Variants in TIGAR observed in about 807,000 individuals in gnomAD.
The protein encoded by TIGAR is fructose-2,6-bisphosphatase TIGAR.
Under a neutral mutation model 17.9 loss-of-function variants are expected in TIGAR, and 7 were observed. The observed-to-expected ratio is 0.39, with a 90% CI of 0.22 to 0.73. The LOEUF (loss-of-function observed/expected upper bound fraction) is 0.73, where lower values mean the gene tolerates loss of function less well. Ranked by LOEUF, TIGAR falls within the 30% of genes least tolerant of loss-of-function variation. The pLI is 0.42. For missense variants in TIGAR, 258 were observed against 327.4 expected (o/e 0.79, Z 1.64); for synonymous variants, 94 against 108.6 (o/e 0.87, Z 0.84).
At chr12:4,327,351 G>T (rs995846674) in intron 1 of TIGAR, among the ~76,000 whole-genome samples, 1 of 150,954 alleles carries the variant, frequency 6.6e-6, no homozygotes, top group Non-Finnish European at 1.5e-5. Context: ...GGAGATTGCA[G>T]TGAGCCGAGA....
rs527762518 is a variant in TIGAR at position 4,342,224 on chromosome 12, T to C, written c.192+5064T>C. On this transcript the variant is annotated intron_variant, in intron 3 of 5. Transcript: ENST00000179259. Reference sequence around the variant, plus strand: ...AGAAATGAACAAAGCCTCCAAGAAATATGGGACTATGTGAAAAGACCAAAT... The same window carrying C: ...AGAAATGAACAAAGCCTCCAAGAAACATGGGACTATGTGAAAAGACCAAAT... 4.6e-5 allele frequency among the ~76,000 whole-genome samples: 7 copies of C among 152,112 alleles called. No individual in the cohort carries two copies. The South Asian group carries it at 1.5e-3, about 32-fold the overall frequency.
chr12:4,349,863 G>C lies in TIGAR; in HGVS notation c.237G>C (p.Met79Ile). ...AGAGAAGCAAATTTTGCAAAGATATGACGGTAAAGTATGACTCAAGACTTC... is the reference window on the plus strand; with the variant it reads ...AGAGAAGCAAATTTTGCAAAGATATCACGGTAAAGTATGACTCAAGACTTC... The part of the protein sequence containing the change: ...ILERSKFCKD[M>I]TVKYDSRLRE... Residue 79 changes from methionine to isoleucine, a missense_variant, in exon 4 of 6, where the codon ATG (methionine) becomes ATC (isoleucine). Met to Ile is a conservative substitution (Grantham distance 10). Coordinates refer to ENST00000179259, the MANE Select transcript of TIGAR (RefSeq NM_020375.3). The C allele has an allele frequency of 6.3e-7, 1 of 1,580,720 alleles. No individual in the cohort carries two copies. Among genetic ancestry groups the C allele is most frequent in the Non-Finnish European group, 8.6e-7 (1 of 1,168,128 alleles).
At chr12:4,347,910 A>G (rs1033693595) in intron 3 of TIGAR, among the ~76,000 whole-genome samples, 1 of 152,094 alleles carries the variant, frequency 6.6e-6, no homozygotes, top group African/African-American at 2.4e-5. Context: ...CCGAAGCGGG[A>G]AGATCACTTG....
At position 4,357,843 on chromosome 12, in the gene TIGAR, C is replaced by A. The variant is rs948773714; in HGVS notation, c.*5152C>A. ...AGGTGGCTGGGCGTGGTGGCTCGCA[C>A]CTGTAATCCCAGCACTTTGGGAGGC... On this transcript the variant is annotated 3_prime_UTR_variant, in exon 6 of 6. Coordinates refer to ENST00000179259, the MANE Select transcript of TIGAR (RefSeq NM_020375.3). Among the ~76,000 whole-genome samples, 5 of 152,152 alleles carry A rather than the reference C, an allele frequency of 3.3e-5. No homozygotes were observed. Among genetic ancestry groups the A allele is most frequent in the Admixed American group, 6.5e-5 (1 of 15,276 alleles).
chr12:4,341,160 CAG>C (rs1333477479), intron 3 of TIGAR, among the ~76,000 whole-genome samples: 1 of 152,032 alleles, frequency 6.6e-6, no homozygotes, highest in Non-Finnish European at 1.5e-5. Context: ...GATTAATAAC[CAG>C]AGTATATAAG....
chr12:4,335,348 T>A (rs1342876778), intron 2 of TIGAR, among the ~76,000 whole-genome samples: 3 of 152,144 alleles, frequency 2.0e-5, no homozygotes, highest in African/African-American at 7.2e-5. Flanking sequence ...TTTTTTTTTT[T>A]TTATTCCTTT....
rs762394950 is a variant in TIGAR, at chr12:4,321,265, C to G, written c.-7C>G. 1 of 1,601,066 alleles carries G rather than the reference C, an allele frequency of 6.2e-7. No homozygotes were observed. Among genetic ancestry groups the G allele is most frequent in the Non-Finnish European group, 8.5e-7 (1 of 1,179,780 alleles). ...CGGGGCCACCGACGGGACGCGGCTC[C>G]GGGAACATGGCTCGCTTCGCTCTGA... On this transcript the variant is annotated 5_prime_UTR_variant, in exon 1 of 6. Coordinates refer to ENST00000179259, the MANE Select transcript of TIGAR (RefSeq NM_020375.3). The surrounding 1 kb of genome is among the most constrained non-coding windows in gnomAD (Gnocchi z 5.2).
intron 3 of TIGAR, among the ~76,000 whole-genome samples, chr12:4,347,686 C>G (rs1295039075): frequency 1.3e-5 from 2 of 151,856 alleles, no homozygotes; most frequent in African/African-American, 4.8e-5. Context: ...TTACTGTATA[C>G]CCACAAAAAT....
chr12:4,352,199 T>G, intron 5 of TIGAR, 61 bp from the exon 6 acceptor site: 1 of 1,436,388 alleles, frequency 7.0e-7, no homozygotes. Context: ...ATGTTCTATG[T>G]TAACGTTTTA....
At chr12:4,331,791 T>G (rs1864606178) in intron 2 of TIGAR, among the ~76,000 whole-genome samples, 1 of 152,228 alleles carries the variant, frequency 6.6e-6, no homozygotes, top group African/African-American at 2.4e-5. Flanking sequence ...TCTCCCTTTT[T>G]CTGTTAATTT....
At chr12:4,347,184 A>G (rs1864790400) in intron 3 of TIGAR, among the ~76,000 whole-genome samples, 2 of 152,248 alleles carry the variant, frequency 1.3e-5, no homozygotes, top group South Asian at 4.1e-4. Flanking sequence ...AAGGAAATGT[A>G]CACACACAAA....
At chr12:4,347,597 A>G (rs1326241067) in intron 3 of TIGAR, among the ~76,000 whole-genome samples, 1 of 152,186 alleles carries the variant, frequency 6.6e-6, no homozygotes, top group African/African-American at 2.4e-5. Flanking sequence ...GGGGATGGAT[A>G]CCCTGCTTAC....
chr12:4,327,411 A>G (rs1020528438), intron 1 of TIGAR, among the ~76,000 whole-genome samples: 1 of 142,090 alleles, frequency 7.0e-6, no homozygotes, highest in African/African-American at 2.6e-5. Context: ...CCCATCTCAG[A>G]AAAAAAAAAA....
intron 3 of TIGAR, among the ~76,000 whole-genome samples, chr12:4,349,609 G>A (rs933075198): frequency 7.2e-5 from 11 of 152,084 alleles, no homozygotes; most frequent in Non-Finnish European, 1.3e-4. Flanking sequence ...AGTAGAGATA[G>A]GGTTTCACCA....
Position 4,359,045 on chromosome 12 carries a change from G to A in TIGAR, c.*6354G>A, listed in dbSNP as rs901399843. 2.0e-5 allele frequency among the ~76,000 whole-genome samples: 3 copies of A among 151,654 alleles called. No individual in the cohort carries two copies. The highest frequency in any genetic ancestry group is 4.4e-5 in the Non-Finnish European group (3 of 67,940). On this transcript the variant is annotated 3_prime_UTR_variant, in exon 6 of 6. Transcript: ENST00000179259. ...GAGGGACAGGACGTTGTATCAATAT[G>A]TCTGGTTCCTCATTAAATTTGCAAC...
At chr12:4,348,518 C>A (rs1444840926) in intron 3 of TIGAR, among the ~76,000 whole-genome samples, 2 of 152,072 alleles carry the variant, frequency 1.3e-5, no homozygotes, top group Non-Finnish European at 2.9e-5. Flanking sequence ...GAGTTTTATA[C>A]CCAGCAAGAT....
chr12:4,341,405 A>G (rs1475621559), intron 3 of TIGAR, among the ~76,000 whole-genome samples: 5 of 152,114 alleles, frequency 3.3e-5, no homozygotes, highest in South Asian at 2.1e-4. Context: ...TTCTCCCAGC[A>G]TGGAGTTTGA....
chr12:4,352,395 G>A lies in TIGAR; in HGVS notation c.517G>A (p.Gly173Arg), dbSNP rs778803638. Residue 173 changes from glycine to arginine, a missense_variant, in exon 6 of 6, where the codon GGA (glycine) becomes AGA (arginine). Transcript: ENST00000179259. Reference sequence around the variant, plus strand: ...TTCTTTGGCAGAGATATTTCCTTTAGGAAAAAATCACAGCTCTAAAGTTAA... The same window carrying A: ...TTCTTTGGCAGAGATATTTCCTTTAAGAAAAAATCACAGCTCTAAAGTTAA... Reference protein sequence around the residue: ...ETSLAEIFPLGKNHSSKVNSD... With the variant: ...ETSLAEIFPLRKNHSSKVNSD... The A allele has an allele frequency of 6.2e-7, 1 of 1,614,062 alleles. No individual in the cohort carries two copies. The highest frequency in any genetic ancestry group is 1.7e-5 in the Admixed American group (1 of 60,014).
intron 2 of TIGAR, among the ~76,000 whole-genome samples, chr12:4,333,668 C>G (rs1054595829): frequency 2.0e-5 from 3 of 152,160 alleles, no homozygotes; most frequent in African/African-American, 7.2e-5. Context: ...GGGGTTTTAC[C>G]ACATTGGTCA....
Sources: gnomAD v4.1 joint callset for allele counts (sites outside exome capture counted in the v4.1 genomes callset) on GRCh38, gnomAD v4.1.1 for gene constraint, Gnocchi (gnomAD v3.1) non-coding constraint, MANE v1.5 for transcripts, NCBI Gene and HGNC (gene_info 2026-07-23, HGNC 2026-07-21) for gene names.